The following FMNL1 variants were observed in gnomAD, a reference collection of about 807,000 sequenced individuals.
FMNL1 encodes the protein formin-like protein 1.
Under a neutral mutation model 121.3 loss-of-function variants are expected in FMNL1, and 43 were observed. The ratio of observed to expected loss-of-function variants is 0.35; its 90% CI spans 0.28 to 0.46. The LOEUF is 0.46. Ranked by LOEUF, FMNL1 falls within the 20% of genes least tolerant of loss-of-function variation. FMNL1 has a pLI of 1.00. For missense variants in FMNL1, 1,191 were observed against 1,482.4 expected (o/e 0.80, Z 3.23); for synonymous variants, 613 against 613.5 (o/e 1.00, Z 0.01).
rs7219366 is a variant in FMNL1 at position 45,241,412 on chromosome 17, C to G, written c.1363C>G (p.Pro455Ala). The G allele has an allele frequency of 1, 1,562,501 of 1,562,508 alleles. 781,247 individuals carry two copies. Among genetic ancestry groups the G allele is most frequent in the Middle Eastern group, 1 (5,692 of 5,692 alleles). The change falls in exon 14 of 27, where the codon CCC (proline) becomes GCC (alanine). Residue 455 changes from proline (P) to alanine (A), a missense_variant. Pro to Ala is a conservative substitution (Grantham distance 27). Coordinates refer to ENST00000331495, the MANE Select transcript of FMNL1 (RefSeq NM_005892.4). This position sits in a 1 kb window ranked among gnomAD's most constrained non-coding sequence, Gnocchi z 7.0. ...ERFSESTAMG[P>A]SRRPPEPEKA... ...CTTCAGCGAATCGACCGCCATGGGG[C>G]CCTCCAGGCGTCCCCCAGAGCCTGA...
intron 1 of FMNL1, among the ~76,000 whole-genome samples, chr17:45,230,312 C>T (rs1398803168): frequency 6.6e-6 from 1 of 152,198 alleles, no homozygotes; most frequent in Admixed American, 6.5e-5. Flanking sequence ...AACCCACGCT[C>T]CTGCCTGCAC....
rs1278671931 is a variant in FMNL1 at position 45,230,660 on chromosome 17, G to C, written c.186G>C (p.Glu62Asp). The change falls in exon 2 of 27, where the codon GAG becomes GAC. Residue 62 changes from glutamate (E) to aspartate (D), a missense_variant. Physicochemically the swap from Glu to Asp is conservative, Grantham distance 45 (BLOSUM62 2). Transcript: ENST00000331495. Reference sequence around the variant, plus strand: ...AGCTGCTGAGCCAGTATGACAACGAGAAGAAGTGGGAGCTCATCTGTGATC... The same window carrying C: ...AGCTGCTGAGCCAGTATGACAACGACAAGAAGTGGGAGCTCATCTGTGATC... ...KVQLLSQYDN[E>D]KKWELICDQE... 6.2e-7 allele frequency: 1 copy of C among 1,613,926 alleles called. No homozygotes were observed. Among genetic ancestry groups the C allele is most frequent in the South Asian group, 1.1e-5 (1 of 91,072 alleles).
At chr17:45,240,983 C>A in intron 12 of FMNL1, 146 bp from the exon 13 acceptor site, 1 of 988,140 alleles carries the variant, frequency 1.0e-6, no homozygotes, top group South Asian at 1.5e-5. Context: ...GTTCGAGTGC[C>A]AGGCTCGGCC....
chr17:45,245,726 C>G lies in FMNL1; in HGVS notation c.2987C>G (p.Ala996Gly), dbSNP rs1237574342. The stretch of plus-strand genomic sequence containing the variant: ...TCCCTCTTTAGCCGCTTCATTAAGG[C>G]CTACAAGGTATTCGGGTCTGGGGCA... ...FFSLFSRFIK[A>G]YKKAEQEVEQ... Residue 996 changes from alanine to glycine, a missense_variant, in exon 23 of 27, where the codon GCC (alanine) becomes GGC (glycine). Physicochemically the swap from Ala to Gly is moderately conservative, Grantham distance 60. Coordinates refer to ENST00000331495, the MANE Select transcript of FMNL1 (RefSeq NM_005892.4). 1 of 1,614,118 alleles carries G rather than the reference C, an allele frequency of 6.2e-7. No homozygotes were observed. Among genetic ancestry groups the G allele is most frequent in the Non-Finnish European group, 8.5e-7 (1 of 1,179,986 alleles).
chr17:45,241,674 G>T lies in FMNL1; in HGVS notation c.1585+40G>T. ...CAGGCTGGCGGGGATGCGGGGCAGGGTCTGGAGGGGAGCCCAGGGGCATCT... is the reference window on the plus strand; with the variant it reads ...CAGGCTGGCGGGGATGCGGGGCAGGTTCTGGAGGGGAGCCCAGGGGCATCT... On this transcript the variant is annotated intron_variant, in intron 14 of 26. Coordinates refer to ENST00000331495, the MANE Select transcript of FMNL1 (RefSeq NM_005892.4). The surrounding 1 kb of genome is among the most constrained non-coding windows in gnomAD (Gnocchi z 7.0). 4 of 1,462,720 alleles carry T rather than the reference G, an allele frequency of 2.7e-6. No individual in the cohort carries two copies. Among genetic ancestry groups the T allele is most frequent in the Non-Finnish European group, 3.6e-6 (4 of 1,112,432 alleles). The allele number at this position is 1,462,720 out of a possible 1,614,324, so 90.6% of individuals were successfully genotyped here. A position where few individuals can be genotyped will look rare whatever the true frequency, so the allele number is the denominator to read the frequency against.
At position 45,241,145 on chromosome 17, in the gene FMNL1, G is replaced by C. The variant is rs1032578186; in HGVS notation, c.1247G>C (p.Arg416Pro). Residue 416 changes from arginine (R) to proline (P), a missense_variant, in exon 13 of 27, where the codon CGG becomes CCG. This residue lies in a region of FMNL1 where 519 missense variants were observed against 492.8 expected (regional missense o/e 1.05). Transcript: ENST00000331495. This position sits in a 1 kb window ranked among gnomAD's most constrained non-coding sequence, Gnocchi z 7.0. ...GTGCTACAGCTGACAGAGCGGCTTC[G>C]GGACGCGGAGAACGAATCCATGGCC... ...EQVALLTERL[R>P]DAENESMAKI... 1.2e-6 allele frequency: 2 copies of C among 1,614,098 alleles called. No homozygotes were observed. Among genetic ancestry groups the C allele is most frequent in the Non-Finnish European group, 1.7e-6 (2 of 1,179,972 alleles).
intron 11 of FMNL1, 176 bp downstream of exon 11, chr17:45,239,241 T>C: frequency 1.6e-6 from 1 of 612,714 alleles, no homozygotes; most frequent in Non-Finnish European, 3.0e-6. Flanking sequence ...AGTTTTGCCA[T>C]CTGTGAAATA....
intron 15 of FMNL1, 93 bp downstream of exon 15, chr17:45,242,239 G>C: frequency 6.4e-7 from 1 of 1,571,216 alleles, no homozygotes; most frequent in Non-Finnish European, 8.6e-7. Context: ...CTGCCTGGGG[G>C]CCTCCTGCTG....
Position 45,241,756 on chromosome 17 carries a change from G to A in FMNL1, c.1586-91G>A. 5 of 1,428,712 alleles carry A rather than the reference G, an allele frequency of 3.5e-6. No homozygotes were observed. The highest frequency in any genetic ancestry group is 3.7e-6 in the Non-Finnish European group (4 of 1,095,818). The allele number at this position is 1,428,712 out of a possible 1,614,324, so 88.5% of individuals were successfully genotyped here. On this transcript the variant is annotated intron_variant, in intron 14 of 26. Coordinates refer to ENST00000331495, the MANE Select transcript of FMNL1 (RefSeq NM_005892.4). The surrounding 1 kb of genome is among the most constrained non-coding windows in gnomAD (Gnocchi z 7.0). ...GATTGTAGGCTCGGCTCAGGTAGGAGCGCATGCGTAGAGCGGAGAGGCGGA... is the reference window on the plus strand; with the variant it reads ...GATTGTAGGCTCGGCTCAGGTAGGAACGCATGCGTAGAGCGGAGAGGCGGA...
intron 25 of FMNL1, 59 bp from the exon 26 acceptor site, chr17:45,246,446 C>A (rs1419190814): frequency 1.2e-6 from 2 of 1,613,300 alleles, no homozygotes; most frequent in Non-Finnish European, 1.7e-6. Flanking sequence ...GCTACCTTTT[C>A]TGTTTTTCTT....
chr17:45,241,050 G>A lies in FMNL1; in HGVS notation c.1231-79G>A. On this transcript the variant is annotated intron_variant, in intron 12 of 26. Transcript: ENST00000331495. The surrounding 1 kb of genome is among the most constrained non-coding windows in gnomAD (Gnocchi z 7.0). ...GAGCCTCCCCCAGTCTTCCAGGCAG[G>A]CATGCCTGATGCCGCCCCCTCACCG... 6.4e-7 allele frequency: 1 copy of A among 1,557,504 alleles called. No individual in the cohort carries two copies. Among genetic ancestry groups the A allele is most frequent in the Non-Finnish European group, 8.8e-7 (1 of 1,137,626 alleles).
chr17:45,221,902 C>T lies in FMNL1; in HGVS notation c.-223C>T. 1 of 334,762 alleles carries T rather than the reference C, an allele frequency of 3.0e-6. No individual in the cohort carries two copies. 20.7% of individuals were successfully genotyped at this position (334,762 alleles called of 1,614,324 possible). A position where few individuals can be genotyped will look rare whatever the true frequency, so the allele number is the denominator to read the frequency against. On this transcript the variant is annotated 5_prime_UTR_variant, in exon 1 of 27. Coordinates refer to ENST00000331495, the MANE Select transcript of FMNL1 (RefSeq NM_005892.4). ...TGCAGCCTGACTTCCTCCCCCAACC[C>T]TGCAGCTCGCCGCCCGGTCCCACGG... is the stretch of plus-strand genomic sequence containing the variant.
intron 22 of FMNL1, 70 bp from the exon 23 acceptor site, chr17:45,245,562 G>A: frequency 6.2e-7 from 1 of 1,603,790 alleles, no homozygotes; most frequent in Non-Finnish European, 8.5e-7. Context: ...CTCAGATCAG[G>A]TGGCCAGTGT....
chr17:45,239,804 C>CTTTTTTTT lies in FMNL1; in HGVS notation c.1081-670_1081-663dup, dbSNP rs113701881. 7.6e-3 allele frequency among the ~76,000 whole-genome samples: 1,114 copies of CTTTTTTTT among 146,838 alleles called. 23 individuals carry two copies. Among genetic ancestry groups the CTTTTTTTT allele is most frequent in the Middle Eastern group, 0.052 (15 of 286 alleles). On this transcript the variant is annotated intron_variant, in intron 11 of 26. Coordinates refer to ENST00000331495, the MANE Select transcript of FMNL1 (RefSeq NM_005892.4). Reference sequence around the variant, plus strand: ...CAAAAGGTCACGTACTCTATGATTGCTTTTTTTTTGAGATGGAGTCTTGCT... The same window carrying CTTTTTTTT: ...CAAAAGGTCACGTACTCTATGATTGCTTTTTTTTTTTTTTTTTGAGATGGAGTCTTGCT...
chr17:45,241,038 T>C lies in FMNL1; in HGVS notation c.1231-91T>C. On this transcript the variant is annotated intron_variant, in intron 12 of 26. Coordinates refer to ENST00000331495, the MANE Select transcript of FMNL1 (RefSeq NM_005892.4). This position sits in a 1 kb window ranked among gnomAD's most constrained non-coding sequence, Gnocchi z 7.0. ...GAGCGGATCTGGGAGCCTCCCCCAG[T>C]CTTCCAGGCAGGCATGCCTGATGCC... The C allele has an allele frequency of 6.6e-7, 1 of 1,505,794 alleles. No homozygotes were observed. Among genetic ancestry groups the C allele is most frequent in the East Asian group, 2.4e-5 (1 of 42,324 alleles). 93.3% of individuals were successfully genotyped at this position (1,505,794 alleles called of 1,614,324 possible). A position where few individuals can be genotyped will look rare whatever the true frequency, so the allele number is the denominator to read the frequency against.
At position 45,241,564 on chromosome 17, in the gene FMNL1, C is replaced by A. The variant is rs746926536; in HGVS notation, c.1515C>A (p.Pro505=). 3 of 1,567,202 alleles carry A rather than the reference C, an allele frequency of 1.9e-6. No homozygotes were observed. Among genetic ancestry groups the A allele is most frequent in the South Asian group, 2.3e-5 (2 of 86,058 alleles). ...PGDAVSIEIL[P]VAVATPSGGD... The stretch of plus-strand genomic sequence containing the variant: ...ATGCTGTCTCCATCGAGATCCTCCC[C>A]GTCGCTGTGGCAACTCCGAGCGGCG... The change falls in exon 14 of 27, where the codon CCC becomes CCA. Residue 505 remains proline (P), a synonymous_variant. Transcript: ENST00000331495. This position sits in a 1 kb window ranked among gnomAD's most constrained non-coding sequence, Gnocchi z 7.0.
In FMNL1 at chr17:45,244,162, C is replaced by T; in HGVS notation, c.2449-14C>T. 1 of 1,612,602 alleles carries T rather than the reference C, an allele frequency of 6.2e-7. No individual in the cohort carries two copies. Among genetic ancestry groups the T allele is most frequent in the Non-Finnish European group, 8.5e-7 (1 of 1,179,378 alleles). On this transcript the variant is annotated splice_polypyrimidine_tract_variant and intron_variant, in intron 18 of 26. Coordinates refer to ENST00000331495, the MANE Select transcript of FMNL1 (RefSeq NM_005892.4). ...AGGCTCCAACTTATCTTACCTCCCCCATCCCACCCCCAGCAACTGAATGCC... is the reference window on the plus strand; with the variant it reads ...AGGCTCCAACTTATCTTACCTCCCCTATCCCACCCCCAGCAACTGAATGCC...
rs1186119047 is a variant in FMNL1 at position 45,222,220 on chromosome 17, C to T, written c.96C>T (p.Ala32=). The change falls in exon 1 of 27, where the codon GCC becomes GCT. Residue 32 remains alanine, a synonymous_variant. Transcript: ENST00000331495. ...PAPPKQPMPA[A]GELEERFNRA... is the part of the protein sequence containing the mutation. ...CTCCCAAGCAGCCGATGCCCGCGGC[C>T]GGAGAGCTGGAGGAGAGGTTCAACC... 2 of 1,255,180 alleles carry T rather than the reference C, an allele frequency of 1.6e-6. No individual in the cohort carries two copies. The highest frequency in any genetic ancestry group is 2.0e-6 in the Non-Finnish European group (2 of 994,694). The allele number at this position is 1,255,180 out of a possible 1,614,324, so 77.8% of individuals were successfully genotyped here. A position where few individuals can be genotyped will look rare whatever the true frequency, so the allele number is the denominator to read the frequency against.
At chr17:45,235,521 A>C (rs1045492403) in intron 6 of FMNL1, among the ~76,000 whole-genome samples, 9 of 152,232 alleles carry the variant, frequency 5.9e-5, no homozygotes, top group African/African-American at 2.2e-4. Flanking sequence ...TGATAGAATC[A>C]TCAGAGAGAC....
Sources: gnomAD v4.1 joint callset for allele counts (sites outside exome capture counted in the v4.1 genomes callset) on GRCh38, gnomAD v4.1.1 for gene constraint, gnomAD v4.1.1 regional missense constraint, Gnocchi (gnomAD v3.1) non-coding constraint, MANE v1.5 for transcripts, NCBI Gene and HGNC (gene_info 2026-07-23, HGNC 2026-07-21) for gene names.